The following VTI1B variants were observed in gnomAD, a reference collection of about 807,000 sequenced individuals.
VTI1B encodes vesicle transport through interaction with t-SNAREs 1B.
In VTI1B, 18 loss-of-function variants were observed where a neutral mutation model predicts 28.6. That is an observed-to-expected ratio of 0.63 (90% CI 0.43 to 0.93). VTI1B has a LOEUF of 0.93. Ranked by LOEUF, VTI1B falls within the 40% of genes least tolerant of loss-of-function variation. The pLI, the probability that VTI1B is intolerant of heterozygous loss-of-function variation, is 0.00. For synonymous variants in VTI1B, 100 were observed against 107.9 expected, an observed-to-expected ratio of 0.93 and a Z score of 0.46; for missense variants, 283 against 297.0, an observed-to-expected ratio of 0.95 and a Z score of 0.35.
chr14:67,674,002 C>T (rs2037501164), intron 1 of VTI1B, among the ~76,000 whole-genome samples: 1 of 152,196 alleles, frequency 6.6e-6, no homozygotes, highest in Non-Finnish European at 1.5e-5. Flanking sequence ...CTCTGTCAGT[C>T]TGGTGAAAAC....
intron 4 of VTI1B, among the ~76,000 whole-genome samples, 158 bp from the exon 5 acceptor site, chr14:67,653,656 C>A (rs930367349): frequency 1.3e-5 from 2 of 152,136 alleles, no homozygotes; most frequent in African/African-American, 4.8e-5. Flanking sequence ...AGTAGAAGAA[C>A]CTGGAAAGGA....
At chr14:67,655,280 T>C (rs529679938) in intron 4 of VTI1B, among the ~76,000 whole-genome samples, 212 of 152,056 alleles carry the variant, frequency 1.4e-3, no homozygotes, top group African/African-American at 4.8e-3. Flanking sequence ...TAAGTTAAAA[T>C]TGCACTGCTG....
At chr14:67,653,574 G>T in intron 4 of VTI1B, 76 bp from the exon 5 acceptor site, 1 of 1,331,688 alleles carries the variant, frequency 7.5e-7, no homozygotes, top group Non-Finnish European at 1.1e-6. Flanking sequence ...TAGATTAACA[G>T]TAGGCATTAA....
In VTI1B at chr14:67,648,824, AT is replaced by A. The variant is rs1566807362; in HGVS notation, c.*2560del. The A allele has an allele frequency of 6.6e-6, 1 of 152,210 alleles. No individual in the cohort carries two copies. The highest frequency in any genetic ancestry group is 1.5e-5 in the Non-Finnish European group (1 of 68,036). The allele number at this position is 152,210 out of a possible 1,614,324, so 9.4% of individuals were successfully genotyped here. ...GCTTCTGGTTTTAAAGCTACTTCAAATGACCTTTCATTCCAAAATTTAAAGA... is the reference window on the plus strand; with the variant it reads ...GCTTCTGGTTTTAAAGCTACTTCAAAGACCTTTCATTCCAAAATTTAAAGA... On this transcript the variant is annotated 3_prime_UTR_variant, in exon 6 of 6. Coordinates refer to ENST00000554659, the MANE Select transcript of VTI1B (RefSeq NM_006370.3).
rs546848480 is a variant in VTI1B, at chr14:67,672,456, T to C, written c.115+1919A>G. Among the ~76,000 whole-genome samples the C allele has an allele frequency of 2.2e-3, 322 of 146,880 alleles. 7 individuals are homozygous for C. The East Asian group carries it at 0.053, about 24-fold the overall frequency. ...TTTTTTCTTTTCTTTTCTTTTTTTT[T>C]TTTTTTTGATACAGAGTCTTGATCT... On this transcript the variant is annotated intron_variant, in intron 1 of 5. Coordinates refer to ENST00000554659, the MANE Select transcript of VTI1B (RefSeq NM_006370.3).
chr14:67,661,253 G>A (rs12435927), intron 2 of VTI1B, among the ~76,000 whole-genome samples: 12,253 of 123,010 alleles, frequency 0.1, 768 homozygotes, highest in East Asian at 0.28. Flanking sequence ...GGAGTCAAAG[G>A]ACTCTTGCTT....
Position 67,670,697 on chromosome 14 carries a change from T to C in VTI1B, c.115+3678A>G, listed in dbSNP as rs765059463. On this transcript the variant is annotated intron_variant, in intron 1 of 5. Coordinates refer to ENST00000554659, the MANE Select transcript of VTI1B (RefSeq NM_006370.3). Reference sequence around the variant, plus strand: ...GCACATGCCACCACACCCAGCTAATTTTTGTATTTTGAGTAGAGATGGGGT... The same window carrying C: ...GCACATGCCACCACACCCAGCTAATCTTTGTATTTTGAGTAGAGATGGGGT... 3.8e-4 allele frequency among the ~76,000 whole-genome samples: 58 copies of C among 152,072 alleles called. 1 individual carries two copies. Among genetic ancestry groups the C allele is most frequent in the Admixed American group, 1.3e-4 (2 of 15,266 alleles).
chr14:67,647,974 TAAG>T lies in VTI1B; in HGVS notation c.*3408_*3410del. On this transcript the variant is annotated 3_prime_UTR_variant, in exon 6 of 6. Transcript: ENST00000554659. Reference sequence around the variant, plus strand: ...CAACAAAATCAAGGAGTTGCAACCATAAGAAGGATGAGTGTCCAAGGACAACCA... The same window carrying T: ...CAACAAAATCAAGGAGTTGCAACCATAAGGATGAGTGTCCAAGGACAACCA... The T allele has an allele frequency of 7.0e-7, 1 of 1,422,064 alleles. No individual in the cohort carries two copies. The highest frequency in any genetic ancestry group is 9.6e-7 in the Non-Finnish European group (1 of 1,040,018). The allele number at this position is 1,422,064 out of a possible 1,614,324, so 88.1% of individuals were successfully genotyped here. A position where few individuals can be genotyped will look rare whatever the true frequency, so the allele number is the denominator to read the frequency against.
At position 67,650,855 on chromosome 14, in the gene VTI1B, T is replaced by C; in HGVS notation, c.*530A>G. 1.2e-6 allele frequency: 2 copies of C among 1,614,210 alleles called. No homozygotes were observed. The highest frequency in any genetic ancestry group is 1.7e-6 in the Non-Finnish European group (2 of 1,180,020). On this transcript the variant is annotated 3_prime_UTR_variant, in exon 6 of 6. Coordinates refer to ENST00000554659, the MANE Select transcript of VTI1B (RefSeq NM_006370.3). ...GACAAGAGAAGGAGGGCATATTGTC[T>C]ATGACCAACTTCCTACTCCCAGTTC...
rs553839167 is a variant in VTI1B at position 67,661,807 on chromosome 14, T to G, written c.174+670A>C. ...CCTTGGCATCTCAAAGTGTTGGGAT[T>G]GCAAGCGTGAGCCACCGCACTGACC... On this transcript the variant is annotated intron_variant, in intron 2 of 5. Coordinates refer to ENST00000554659, the MANE Select transcript of VTI1B (RefSeq NM_006370.3). 7.9e-5 allele frequency among the ~76,000 whole-genome samples: 12 copies of G among 152,234 alleles called. No individual in the cohort carries two copies. In the South Asian group the frequency reaches 1.7e-3, roughly 21 times the overall value.
intron 1 of VTI1B, among the ~76,000 whole-genome samples, chr14:67,666,016 T>C (rs1179531407): frequency 6.6e-6 from 1 of 152,206 alleles, no homozygotes; most frequent in African/African-American, 2.4e-5. Flanking sequence ...AAACGGCTAC[T>C]TCCATGGAGC....
intron 1 of VTI1B, among the ~76,000 whole-genome samples, chr14:67,668,084 G>A (rs1395490167): frequency 6.6e-6 from 1 of 151,976 alleles, no homozygotes; most frequent in South Asian, 2.1e-4. Context: ...AAAATAATAG[G>A]GTCTTGTGTT....
At chr14:67,655,558 G>C (rs2037245264) in intron 4 of VTI1B, among the ~76,000 whole-genome samples, 1 of 150,380 alleles carries the variant, frequency 6.6e-6, no homozygotes, top group Non-Finnish European at 1.5e-5. Context: ...TTACATAACA[G>C]TAAAGGGTTA....
chr14:67,653,992 C>G (rs1236115012), intron 4 of VTI1B, among the ~76,000 whole-genome samples: 1 of 152,188 alleles, frequency 6.6e-6, no homozygotes, highest in Admixed American at 6.5e-5. Flanking sequence ...ATGGAACTTT[C>G]AACTGCTTGC....
chr14:67,657,307 A>T (rs1182750865), intron 3 of VTI1B: 1 of 152,184 alleles, frequency 6.6e-6, no homozygotes, highest in African/African-American at 2.4e-5. Flanking sequence ...CCTCTTGGTG[A>T]GCCCCAGAAA....
At position 67,650,419 on chromosome 14, in the gene VTI1B, A is replaced by G; in HGVS notation, c.*966T>C. The G allele has an allele frequency of 7.8e-6, 3 of 382,512 alleles. 1 individual carries two copies. In the South Asian group the frequency reaches 9.6e-5, roughly 12 times the overall value. 23.7% of individuals were successfully genotyped at this position (382,512 alleles called of 1,614,324 possible). A position where few individuals can be genotyped will look rare whatever the true frequency, so the allele number is the denominator to read the frequency against. On this transcript the variant is annotated 3_prime_UTR_variant, in exon 6 of 6. Coordinates refer to ENST00000554659, the MANE Select transcript of VTI1B (RefSeq NM_006370.3). ...ATGAAAACCTCCCCCACCCAACACCAAGCCTTTTCCTTTTCCAGAACGCCT... is the reference window on the plus strand; with the variant it reads ...ATGAAAACCTCCCCCACCCAACACCGAGCCTTTTCCTTTTCCAGAACGCCT...
chr14:67,669,153 C>CTTTT (rs1373787980), intron 1 of VTI1B, among the ~76,000 whole-genome samples: 12 of 152,128 alleles, frequency 7.9e-5, no homozygotes, highest in African/African-American at 2.9e-4. Flanking sequence ...GTTAAAGTAA[C>CTTTT]CTGTCCAAGG....
intron 5 of VTI1B, chr14:67,651,772 G>C: frequency 3.8e-6 from 1 of 261,488 alleles, no homozygotes; most frequent in Admixed American, 5.1e-5. Flanking sequence ...CTAGAAAGAA[G>C]GGTTAGCTAG....
At chr14:67,670,132 C>T (rs182596489) in intron 1 of VTI1B, among the ~76,000 whole-genome samples, 1 of 152,090 alleles carries the variant, frequency 6.6e-6, no homozygotes, top group Non-Finnish European at 1.5e-5. Context: ...AGGTGACTGC[C>T]CAAAAGGCTC....
Sources: gnomAD v4.1 joint callset for allele counts (sites outside exome capture counted in the v4.1 genomes callset) on GRCh38, gnomAD v4.1.1 for gene constraint, MANE v1.5 for transcripts, NCBI Gene and HGNC (gene_info 2026-07-23, HGNC 2026-07-21) for gene names.